Variants in DENND3 observed in about 807,000 individuals in gnomAD.
DENND3 encodes DENN domain containing 3.
In DENND3, 88 loss-of-function variants were observed where a neutral mutation model predicts 135.1. That is an observed-to-expected ratio of 0.65 (90% CI 0.55 to 0.78). The LOEUF is 0.78. Ranked by LOEUF, DENND3 falls within the 30% of genes least tolerant of loss-of-function variation. The pLI, the probability that DENND3 is intolerant of heterozygous loss-of-function variation, is 0.00. For missense variants in DENND3, 1,392 were observed against 1,688.4 expected, an observed-to-expected ratio of 0.82 and a Z score of 3.08; for synonymous variants, 693 against 712.3, an observed-to-expected ratio of 0.97 and a Z score of 0.43.
At chr8:141,178,265 G>A (rs2154613362) in intron 16 of DENND3, 69 bp downstream of exon 16, 8 of 1,549,202 alleles carry the variant, frequency 5.2e-6, no homozygotes, top group Non-Finnish European at 7.0e-6. Flanking sequence ...TTATCTGGTC[G>A]ATGTCTGTTT....
At position 141,137,417 on chromosome 8, in the gene DENND3, C is replaced by T. The variant is rs1031570357; in HGVS notation, c.386-605C>T. On this transcript the variant is annotated intron_variant, in intron 2 of 22. Coordinates refer to ENST00000519811, the MANE Select transcript of DENND3 (RefSeq NM_001352890.3). This position sits in a 1 kb window ranked among gnomAD's most constrained non-coding sequence, Gnocchi z 4.1. ...TGTTCCTGGTGCATTCAAGGCTTTT[C>T]CCCTTTGACTTAAAATGAAGTCTTG... 1.3e-5 allele frequency among the ~76,000 whole-genome samples: 2 copies of T among 152,166 alleles called. No individual in the cohort carries two copies. Among genetic ancestry groups the T allele is most frequent in the Admixed American group, 1.3e-4 (2 of 15,282 alleles).
chr8:141,169,794 A>T (rs748236277), intron 13 of DENND3, among the ~76,000 whole-genome samples: 2 of 152,208 alleles, frequency 1.3e-5, no homozygotes, highest in Non-Finnish European at 2.9e-5. Flanking sequence ...TGTTTTACTC[A>T]TGGTGTTTTC....
chr8:141,135,071 C>T (rs1289192236), intron 1 of DENND3, among the ~76,000 whole-genome samples: 5 of 152,006 alleles, frequency 3.3e-5, no homozygotes, highest in Admixed American at 6.6e-5. Flanking sequence ...GATCTGACCT[C>T]GTGATCTGCC....
At position 141,194,398 on chromosome 8, in the gene DENND3, A is replaced by G. The variant is rs1825140956; in HGVS notation, c.*165A>G. ...CCAGCCGCGAGACCCATGGCCACGC[A>G]CCTTCTCTCAGGCCTTCGGGCCCCC... On this transcript the variant is annotated 3_prime_UTR_variant, in exon 23 of 23. Transcript: ENST00000519811. 7 of 764,998 alleles carry G rather than the reference A, an allele frequency of 9.2e-6. No individual in the cohort carries two copies. Among genetic ancestry groups the G allele is most frequent in the East Asian group, 5.4e-5 (2 of 36,972 alleles). The allele number at this position is 764,998 out of a possible 1,614,324, so 47.4% of individuals were successfully genotyped here.
In DENND3 at chr8:141,128,852, G is replaced by A. The variant is rs1490418645; in HGVS notation, c.102+43G>A. ...TGAGGCGGACGTGGGCCACGAGTCG[G>A]CAGCCGGGACAGCAGTCGGAGAGCG... On this transcript the variant is annotated intron_variant, in intron 1 of 22. Coordinates refer to ENST00000519811, the MANE Select transcript of DENND3 (RefSeq NM_001352890.3). The surrounding 1 kb of genome is among the most constrained non-coding windows in gnomAD (Gnocchi z 4.5). 19 of 1,325,708 alleles carry A rather than the reference G, an allele frequency of 1.4e-5. No individual in the cohort carries two copies. The highest frequency in any genetic ancestry group is 5.9e-6 in the Non-Finnish European group (6 of 1,021,842). The allele number at this position is 1,325,708 out of a possible 1,614,324, so 82.1% of individuals were successfully genotyped here.
In DENND3 at chr8:141,138,606, G is replaced by A. The variant is rs369390715; in HGVS notation, c.501+469G>A. ...TCACCATGTTGGCCGGGCTGGTTTC[G>A]AACTCCTGACCTCAGGTGATCCACC... On this transcript the variant is annotated intron_variant, in intron 3 of 22. Coordinates refer to ENST00000519811, the MANE Select transcript of DENND3 (RefSeq NM_001352890.3). This position sits in a 1 kb window ranked among gnomAD's most constrained non-coding sequence, Gnocchi z 4.8. Among the ~76,000 whole-genome samples, 3 of 152,070 alleles carry A rather than the reference G, an allele frequency of 2.0e-5. No individual in the cohort carries two copies. Among genetic ancestry groups the A allele is most frequent in the Admixed American group, 6.5e-5 (1 of 15,278 alleles).
intron 9 of DENND3, among the ~76,000 whole-genome samples, chr8:141,162,963 A>T (rs1022505446): frequency 2.0e-5 from 3 of 152,252 alleles, no homozygotes; most frequent in African/African-American, 7.2e-5. Context: ...TTGTCCGGGA[A>T]GGCTGGCGGC....
At chr8:141,171,393 C>T (rs908880991) in intron 13 of DENND3, among the ~76,000 whole-genome samples, 1 of 152,234 alleles carries the variant, frequency 6.6e-6, no homozygotes, top group African/African-American at 2.4e-5. Context: ...CGTGAGGTGG[C>T]CTTCCCCAGG....
At chr8:141,190,073 T>TGGCTGC (rs1201410227) in intron 19 of DENND3, among the ~76,000 whole-genome samples, 1 of 151,430 alleles carries the variant, frequency 6.6e-6, no homozygotes, top group Admixed American at 6.6e-5. Flanking sequence ...AGCCTGGCTG[T>TGGCTGC]GGCTGCATTC....
chr8:141,169,995 G>A (rs548476002), intron 13 of DENND3, among the ~76,000 whole-genome samples: 10 of 152,352 alleles, frequency 6.6e-5, no homozygotes, highest in Admixed American at 2.6e-4. Flanking sequence ...TGTGAGAACC[G>A]TCAGTCGGGC....
At chr8:141,135,539 C>G (rs1816696051) in intron 1 of DENND3, among the ~76,000 whole-genome samples, 1 of 152,130 alleles carries the variant, frequency 6.6e-6, no homozygotes, top group Non-Finnish European at 1.5e-5. Context: ...TACCCAGGGC[C>G]CCTTGCTTCA....
In DENND3 at chr8:141,175,871, C is replaced by T. The variant is rs1365911661; in HGVS notation, c.2535+412C>T. ...CTCACATTTTCTAGTCACAGTCGGA[C>T]CTGGTTCATATAAAACATAACAAGC... On this transcript the variant is annotated intron_variant, in intron 14 of 22. Transcript: ENST00000519811. This position sits in a 1 kb window ranked among gnomAD's most constrained non-coding sequence, Gnocchi z 5.4. 3.9e-6 allele frequency: 1 copy of T among 254,734 alleles called. No individual in the cohort carries two copies. Among genetic ancestry groups the T allele is most frequent in the Non-Finnish European group, 7.9e-6 (1 of 127,362 alleles). 15.8% of individuals were successfully genotyped at this position (254,734 alleles called of 1,614,324 possible).
In DENND3 at chr8:141,128,705, GC is replaced by G; in HGVS notation, c.-1del. On this transcript the variant is annotated 5_prime_UTR_variant, in exon 1 of 23. Coordinates refer to ENST00000519811, the MANE Select transcript of DENND3 (RefSeq NM_001352890.3). The surrounding 1 kb of genome is among the most constrained non-coding windows in gnomAD (Gnocchi z 4.5). ...CGGTACTGGCGGCGGGCGGCGGGCA[GC>G]CATGGCGGAGGCCGCGTCGCCGCAC... 7.1e-7 allele frequency: 1 copy of G among 1,400,606 alleles called. No homozygotes were observed. The highest frequency in any genetic ancestry group is 1.5e-5 in the South Asian group (1 of 66,042). 86.8% of individuals were successfully genotyped at this position (1,400,606 alleles called of 1,614,324 possible). A position where few individuals can be genotyped will look rare whatever the true frequency, so the allele number is the denominator to read the frequency against.
chr8:141,145,835 A>G (rs1377510816), intron 5 of DENND3, among the ~76,000 whole-genome samples: 12 of 29,946 alleles, frequency 4.0e-4, no homozygotes, highest in African/African-American at 3.3e-3. Context: ...ATATATATAT[A>G]TATATATATA....
intron 18 of DENND3, chr8:141,188,631 T>G: frequency 5.0e-6 from 1 of 199,000 alleles, no homozygotes. Context: ...GCCTCAAGCA[T>G]GGAGCTCCCT....
At chr8:141,189,870 G>A (rs1410363010) in intron 19 of DENND3, among the ~76,000 whole-genome samples, 2 of 152,216 alleles carry the variant, frequency 1.3e-5, no homozygotes, top group South Asian at 2.1e-4. Context: ...CATGTCACCC[G>A]AGAGCTCTGA....
chr8:141,128,672 C>T lies in DENND3; in HGVS notation c.-36C>T. 3.8e-6 allele frequency: 5 copies of T among 1,310,466 alleles called. No individual in the cohort carries two copies. The highest frequency in any genetic ancestry group is 4.9e-6 in the Non-Finnish European group (5 of 1,024,852). The allele number at this position is 1,310,466 out of a possible 1,614,324, so 81.2% of individuals were successfully genotyped here. ...TGCGGGCGACTGCGCGGCTGAGGCG[C>T]CCGAGTGCGGTACTGGCGGCGGGCG... On this transcript the variant is annotated 5_prime_UTR_variant, in exon 1 of 23. Coordinates refer to ENST00000519811, the MANE Select transcript of DENND3 (RefSeq NM_001352890.3). This position sits in a 1 kb window ranked among gnomAD's most constrained non-coding sequence, Gnocchi z 4.5.
intron 13 of DENND3, among the ~76,000 whole-genome samples, chr8:141,170,385 ATGTG>A (rs777938835): frequency 3.2e-4 from 48 of 151,968 alleles, no homozygotes; most frequent in Non-Finnish European, 5.7e-4. Flanking sequence ...GTGTATATGA[ATGTG>A]TGTGGGTGTG....
chr8:141,164,125 C>G (rs1366207965), intron 10 of DENND3, among the ~76,000 whole-genome samples: 1 of 152,106 alleles, frequency 6.6e-6, no homozygotes, highest in African/African-American at 2.4e-5. Flanking sequence ...CAGAGTCTTG[C>G]GCTGTGCAGT....
Sources: gnomAD v4.1 joint callset for allele counts (sites outside exome capture counted in the v4.1 genomes callset) on GRCh38, gnomAD v4.1.1 for gene constraint, Gnocchi (gnomAD v3.1) non-coding constraint, MANE v1.5 for transcripts, NCBI Gene and HGNC (gene_info 2026-07-23, HGNC 2026-07-21) for gene names.